The following LRRC4B variants were observed in gnomAD, a reference collection of about 807,000 sequenced individuals.
The protein encoded by LRRC4B is leucine-rich repeat-containing protein 4B.
Under a neutral mutation model 7.3 loss-of-function variants are expected in LRRC4B, and 1 was observed. The ratio of observed to expected loss-of-function variants is 0.14; its 90% CI spans 0.05 to 0.65. The LOEUF is 0.65. LRRC4B is among the 30% of genes least tolerant of loss of function. LRRC4B has a pLI of 0.84. For synonymous variants in LRRC4B, 500 were observed against 499.2 expected, an observed-to-expected ratio of 1.00 and a Z score of -0.02; for missense variants, 730 against 1,041.6, an observed-to-expected ratio of 0.70 and a Z score of 4.12.
chr19:50,518,267 G>T lies in LRRC4B; in HGVS notation c.1446C>A (p.Gly482=). 1 of 1,600,286 alleles carries T rather than the reference G, an allele frequency of 6.2e-7. No individual in the cohort carries two copies. ...TCACCGTGGTGAAGTAGGTGTAGCC[G>T]CCACTGCCCCCTCCAACACCACCAC... The part of the protein sequence containing the change: ...GGSGGVGGGS[G]GYTYFTTVTV... Residue 482 remains glycine, a synonymous_variant, in exon 3 of 3, where the codon GGC becomes GGA. Transcript: ENST00000652263.
rs372127767 is a variant in LRRC4B at position 50,562,469 on chromosome 19, T to C, written c.-36+5475A>G. Among the ~76,000 whole-genome samples the C allele has an allele frequency of 2.6e-4, 39 of 152,344 alleles. No homozygotes were observed. The East Asian group carries it at 4.0e-3, about 16-fold the overall frequency. Reference sequence around the variant, plus strand: ...CTCAATCAGTTAGCTACGATCATGGTCATCTCCAGCTCTGGAGAGAGGGTT... The same window carrying C: ...CTCAATCAGTTAGCTACGATCATGGCCATCTCCAGCTCTGGAGAGAGGGTT... On this transcript the variant is annotated intron_variant, in intron 1 of 2. Coordinates refer to ENST00000652263, the MANE Select transcript of LRRC4B (RefSeq NM_001080457.2).
At chr19:50,561,309 C>T (rs1282722783) in intron 1 of LRRC4B, among the ~76,000 whole-genome samples, 1 of 152,094 alleles carries the variant, frequency 6.6e-6, no homozygotes, top group East Asian at 1.9e-4. Context: ...CCTACAACCC[C>T]CACGTCGGTG....
At chr19:50,530,138 C>T (rs970353414) in intron 2 of LRRC4B, among the ~76,000 whole-genome samples, 4 of 152,158 alleles carry the variant, frequency 2.6e-5, no homozygotes, top group African/African-American at 9.7e-5. Context: ...CCCGCCTCAT[C>T]CTCTCTCCCT....
At chr19:50,542,416 A>G (rs1981589830) in intron 2 of LRRC4B, among the ~76,000 whole-genome samples, 1 of 151,084 alleles carries the variant, frequency 6.6e-6, no homozygotes, top group Non-Finnish European at 1.5e-5. Context: ...TGCAGGCCCC[A>G]CCAATCTCAA....
intron 2 of LRRC4B, among the ~76,000 whole-genome samples, chr19:50,524,053 T>C (rs1017207860): frequency 2.0e-5 from 3 of 152,132 alleles, no homozygotes; most frequent in Non-Finnish European, 4.4e-5. Context: ...TCTTGTGTGA[T>C]ATTTTTTCCT....
chr19:50,548,887 A>T lies in LRRC4B; in HGVS notation c.-35-14T>A. 3.8e-6 allele frequency: 4 copies of T among 1,053,558 alleles called. No homozygotes were observed. Among genetic ancestry groups the T allele is most frequent in the Non-Finnish European group, 5.2e-6 (4 of 762,044 alleles). 65.3% of individuals were successfully genotyped at this position (1,053,558 alleles called of 1,614,324 possible). Reference sequence around the variant, plus strand: ...GACGCTGGGGGGCTGTGGGTGGGGGAGAGAAGGGGGAGAGGCTTGGTGAGG... The same window carrying T: ...GACGCTGGGGGGCTGTGGGTGGGGGTGAGAAGGGGGAGAGGCTTGGTGAGG... On this transcript the variant is annotated splice_polypyrimidine_tract_variant and intron_variant, in intron 1 of 2. Transcript: ENST00000652263. This position sits in a 1 kb window ranked among gnomAD's most constrained non-coding sequence, Gnocchi z 6.8.
intron 1 of LRRC4B, among the ~76,000 whole-genome samples, chr19:50,551,979 C>T (rs1326633746): frequency 6.6e-6 from 1 of 151,886 alleles, no homozygotes; most frequent in Non-Finnish European, 1.5e-5. Context: ...CCCCGCTAAT[C>T]AAAGGCTCCG....
At position 50,567,807 on chromosome 19, in the gene LRRC4B, CT is replaced by C. The variant is rs1218502721; in HGVS notation, c.-36+136del. On this transcript the variant is annotated intron_variant, in intron 1 of 2. Transcript: ENST00000652263. ...TCTGCCTCCCATTAGGCCCCGCCCC[CT>C]GTCCTCTGCCATCCCCCCCCATCCC... The C allele has an allele frequency of 6.3e-4, 75 of 119,514 alleles. 2 individuals carry two copies. The highest frequency in any genetic ancestry group is 6.0e-3 in the Admixed American group (75 of 12,486). 7.4% of individuals were successfully genotyped at this position (119,514 alleles called of 1,614,324 possible).
rs1980468665 is a variant in LRRC4B, at chr19:50,519,713, C to T, written c.298-298G>A. Reference sequence around the variant, plus strand: ...ACAACATGGTGAAACCCTGTCTCTACTAAAAATACAAAAATTAGCCAGGTG... The same window carrying T: ...ACAACATGGTGAAACCCTGTCTCTATTAAAAATACAAAAATTAGCCAGGTG... On this transcript the variant is annotated intron_variant, in intron 2 of 2. Coordinates refer to ENST00000652263, the MANE Select transcript of LRRC4B (RefSeq NM_001080457.2). This position sits in a 1 kb window ranked among gnomAD's most constrained non-coding sequence, Gnocchi z 8.1. Among the ~76,000 whole-genome samples the T allele has an allele frequency of 1.3e-5, 2 of 151,850 alleles. No individual in the cohort carries two copies. The highest frequency in any genetic ancestry group is 2.4e-5 in the African/African-American group (1 of 41,296).
chr19:50,546,022 C>T (rs1599777433), intron 2 of LRRC4B, among the ~76,000 whole-genome samples: 1 of 150,720 alleles, frequency 6.6e-6, no homozygotes, highest in East Asian at 2.0e-4. Context: ...CCGCGCCAGG[C>T]TAAAAGTTAT....
chr19:50,531,839 C>A (rs1158800759), intron 2 of LRRC4B, among the ~76,000 whole-genome samples: 1 of 152,136 alleles, frequency 6.6e-6, no homozygotes, highest in Non-Finnish European at 1.5e-5. Context: ...AGACAGTGAG[C>A]GCTTGGGATG....
chr19:50,521,813 G>A (rs1367154591), intron 2 of LRRC4B, among the ~76,000 whole-genome samples: 1 of 152,062 alleles, frequency 6.6e-6, no homozygotes, highest in Non-Finnish European at 1.5e-5. Context: ...GCCTGCCTTG[G>A]CCTCCCAAAG....
At chr19:50,550,821 TC>T (rs1982024404) in intron 1 of LRRC4B, 1 of 152,332 alleles carries the variant, frequency 6.6e-6, no homozygotes. Context: ...GTCTTCATTT[TC>T]CTGAATGTGA....
chr19:50,548,683 CG>C lies in LRRC4B; in HGVS notation c.155del (p.Pro52ArgfsTer19). 1 of 1,552,382 alleles carries C rather than the reference CG, an allele frequency of 6.4e-7. No individual in the cohort carries two copies. On this transcript the variant is annotated frameshift_variant, in exon 2 of 3. Coordinates refer to ENST00000652263, the MANE Select transcript of LRRC4B (RefSeq NM_001080457.2). LOFTEE classifies it high-confidence loss of function. The surrounding 1 kb of genome is among the most constrained non-coding windows in gnomAD (Gnocchi z 6.8). Reference sequence around the variant, plus strand: ...AGGCCACGGGGCAGGAGGTGGCCGGCGGGGAGCCCCCTCCGGCGGCAGACGT... The same window carrying C: ...AGGCCACGGGGCAGGAGGTGGCCGGCGGGAGCCCCCTCCGGCGGCAGACGT... ...AVTSAAGGGSPPATSCPVACS... is the reference protein window; with the variant it reads ...AVTSAAGGGSXPATSCPVACS...
rs1259689299 is a variant in LRRC4B at position 50,548,479 on chromosome 19, T to C, written c.297+63A>G. On this transcript the variant is annotated intron_variant, in intron 2 of 2. Transcript: ENST00000652263. The surrounding 1 kb of genome is among the most constrained non-coding windows in gnomAD (Gnocchi z 6.8). ...GTGGGGAGGCCCAGAAGGGATGGGC[T>C]ACATCTGCATGCCTCCCCAGTGTCC... is the stretch of plus-strand genomic sequence containing the variant. 6.5e-7 allele frequency: 1 copy of C among 1,538,374 alleles called. No individual in the cohort carries two copies. Among genetic ancestry groups the C allele is most frequent in the Non-Finnish European group, 8.7e-7 (1 of 1,147,964 alleles).
intron 2 of LRRC4B, among the ~76,000 whole-genome samples, chr19:50,527,002 C>T (rs1166013349): frequency 1.3e-5 from 2 of 148,336 alleles, no homozygotes; most frequent in Non-Finnish European, 3.0e-5. Context: ...TACAGGCACA[C>T]GCCACTACGC....
intron 1 of LRRC4B, among the ~76,000 whole-genome samples, chr19:50,552,683 T>TCCATCCATCCATCCATCCAC (rs377729910): frequency 4.1e-4 from 50 of 121,446 alleles, no homozygotes; most frequent in East Asian, 1.7e-3. Context: ...CATCCATCCA[T>TCCATCCATCCATCCATCCAC]CCATCCGTCC....
chr19:50,551,304 C>A (rs1201405896), intron 1 of LRRC4B, among the ~76,000 whole-genome samples: 1 of 151,268 alleles, frequency 6.6e-6, no homozygotes, highest in South Asian at 2.1e-4. Context: ...CTGTCGAGAT[C>A]GTGCTGGGGG....
intron 2 of LRRC4B, among the ~76,000 whole-genome samples, chr19:50,536,584 G>A (rs1661232695): frequency 6.6e-6 from 1 of 152,182 alleles, no homozygotes; most frequent in South Asian, 2.1e-4. Context: ...TGCTGCAGAT[G>A]GATTAGCCGG....
Sources: allele counts gnomAD v4.1 joint callset (sites outside exome capture counted in the v4.1 genomes callset), GRCh38; gene constraint gnomAD v4.1.1; non-coding constraint Gnocchi (gnomAD v3.1); transcripts MANE v1.5; gene names NCBI Gene and HGNC (gene_info 2026-07-23, HGNC 2026-07-21).